CAPN15: variants seen among roughly 807,000 people sequenced by gnomAD.
CAPN15 encodes calpain-15.
A neutral mutation model predicts 97.9 loss-of-function variants in CAPN15; 53 were observed. The ratio of observed to expected loss-of-function variants is 0.54; its 90% CI spans 0.43 to 0.68. The LOEUF (loss-of-function observed/expected upper bound fraction) is 0.68, where lower values mean the gene tolerates loss of function less well. Ranked by LOEUF, CAPN15 falls within the 30% of genes least tolerant of loss-of-function variation. The pLI, the probability that CAPN15 is intolerant of heterozygous loss-of-function variation, is 0.00. For missense variants in CAPN15, 1,592 were observed against 1,589.8 expected, an observed-to-expected ratio of 1.00 and a Z score of -0.02; for synonymous variants, 922 against 722.5, an observed-to-expected ratio of 1.28 and a Z score of -4.43.
rs201146808 is a variant in CAPN15 at position 553,021 on chromosome 16, T to C, written c.3063T>C (p.Asp1021=). The C allele has an allele frequency of 2.5e-6, 4 of 1,595,136 alleles. No homozygotes were observed. The Admixed American group carries it at 5.1e-5, about 20-fold the overall frequency. The change falls in exon 13 of 14, where the codon GAT becomes GAC. Residue 1021 remains aspartate (D), a synonymous_variant. Transcript: ENST00000219611. Reference sequence around the variant, plus strand: ...CACGCGGCAGCCTGCGTACCCAGGATAGCGTGCCACCCCTGCACAGGTGCG... The same window carrying C: ...CACGCGGCAGCCTGCGTACCCAGGACAGCGTGCCACCCCTGCACAGGTGCG... ...VSTRGSLRTQ[D]SVPPLHRQVL... is the part of the protein sequence containing the mutation.
At chr16:544,699 CCA>C (rs2034413603) in intron 3 of CAPN15, among the ~76,000 whole-genome samples, 1 of 141,024 alleles carries the variant, frequency 7.1e-6, no homozygotes. Context: ...GTCGCCTCCC[CCA>C]CGTCGCCTCC....
At chr16:543,104 G>A (rs926684325) in intron 3 of CAPN15, among the ~76,000 whole-genome samples, 25 of 152,004 alleles carry the variant, frequency 1.6e-4, no homozygotes, top group Admixed American at 1.0e-3. Context: ...AATGAGCTGC[G>A]ATCGTGCCAC....
Position 552,398 on chromosome 16 carries a change from C to T in CAPN15, c.2605C>T (p.Leu869=), listed in dbSNP as rs2035154811. 2 of 1,607,568 alleles carry T rather than the reference C, an allele frequency of 1.2e-6. No homozygotes were observed. Among genetic ancestry groups the T allele is most frequent in the Admixed American group, 1.7e-5 (1 of 59,850 alleles). The change falls in exon 11 of 14, where the codon CTG becomes TTG. Residue 869 remains leucine, a synonymous_variant. Coordinates refer to ENST00000219611, the MANE Select transcript of CAPN15 (RefSeq NM_005632.3). The surrounding 1 kb of genome is among the most constrained non-coding windows in gnomAD (Gnocchi z 6.4). ...SGGHLSLGRL[L]AHSKRAVKKF... is the part of the protein sequence containing the mutation. ...CGGCCACCTCAGCCTGGGCCGCCTC[C>T]TGGCCCACAGTAAGCGCGCGGTCAA... is the stretch of plus-strand genomic sequence containing the variant.
chr16:548,659 G>C (rs2034774856), intron 4 of CAPN15, among the ~76,000 whole-genome samples: 1 of 152,236 alleles, frequency 6.6e-6, no homozygotes, highest in Non-Finnish European at 1.5e-5. Flanking sequence ...CTAGAGTCCA[G>C]GATGGCATCA....
Position 553,662 on chromosome 16 carries a change from G to C in CAPN15, c.*146G>C. The C allele has an allele frequency of 1.9e-6, 1 of 529,930 alleles. No homozygotes were observed. The allele number at this position is 529,930 out of a possible 1,614,324, so 32.8% of individuals were successfully genotyped here. On this transcript the variant is annotated 3_prime_UTR_variant, in exon 14 of 14. Transcript: ENST00000219611. ...GCCAGCCCAGGGCTCAGCTTCCCAT[G>C]GGCCCCCCGCCCCCCTCCTTCCCCT... is the stretch of plus-strand genomic sequence containing the variant.
intron 13 of CAPN15, 77 bp from the exon 14 acceptor site, chr16:553,262 C>A: frequency 9.6e-7 from 1 of 1,045,856 alleles, no homozygotes; most frequent in Non-Finnish European, 1.4e-6. Flanking sequence ...CCTGCTCCTG[C>A]CCCTGTACAG....
chr16:553,869 T>G lies in CAPN15; in HGVS notation c.*353T>G. On this transcript the variant is annotated 3_prime_UTR_variant, in exon 14 of 14. Coordinates refer to ENST00000219611, the MANE Select transcript of CAPN15 (RefSeq NM_005632.3). Reference sequence around the variant, plus strand: ...GCGGGCTAGGCAGCCAGGAGCTCTGTCCGCAAAACCAAATCTGGGTGTCAG... The same window carrying G: ...GCGGGCTAGGCAGCCAGGAGCTCTGGCCGCAAAACCAAATCTGGGTGTCAG... 2 of 221,560 alleles carry G rather than the reference T, an allele frequency of 9.0e-6. No homozygotes were observed. The highest frequency in any genetic ancestry group is 2.0e-4 in the East Asian group (2 of 9,778). 13.7% of individuals were successfully genotyped at this position (221,560 alleles called of 1,614,324 possible).
chr16:543,038 G>A (rs1297437090), intron 3 of CAPN15, among the ~76,000 whole-genome samples: 43 of 152,028 alleles, frequency 2.8e-4, no homozygotes, highest in Non-Finnish European at 1.3e-4. Context: ...GCGACAGAGT[G>A]AGACTCTGTC....
rs202224861 is a variant in CAPN15, at chr16:548,135, G to A, written c.1297G>A (p.Ala433Thr). ...LLNALRAKHC[A>T]ACHTPQLLVA... is the part of the protein sequence containing the mutation. ...CAACGCACTGCGGGCCAAGCACTGCGCCGCCTGCCACACGCCTCAGCTCCT... is the reference window on the plus strand; with the variant it reads ...CAACGCACTGCGGGCCAAGCACTGCACCGCCTGCCACACGCCTCAGCTCCT... The change falls in exon 4 of 14, where the codon GCC becomes ACC. Residue 433 changes from alanine (A) to threonine (T), a missense_variant. Ala to Thr is a moderately conservative substitution (Grantham distance 58, BLOSUM62 0). This residue lies in a region of CAPN15 where 883 missense variants were observed against 776.6 expected (regional missense o/e 1.14). Coordinates refer to ENST00000219611, the MANE Select transcript of CAPN15 (RefSeq NM_005632.3). 1.1e-4 allele frequency: 168 copies of A among 1,528,784 alleles called. No homozygotes were observed. The highest frequency in any genetic ancestry group is 1.3e-4 in the Non-Finnish European group (153 of 1,138,918). 94.7% of individuals were successfully genotyped at this position (1,528,784 alleles called of 1,614,324 possible).
intron 3 of CAPN15, among the ~76,000 whole-genome samples, chr16:540,635 G>A (rs1201033552): frequency 1.3e-5 from 2 of 152,264 alleles, no homozygotes; most frequent in Non-Finnish European, 2.9e-5. Flanking sequence ...TCCACGCAGA[G>A]AAGCTGTTCC....
At chr16:532,117 G>A (rs1017614705) in intron 1 of CAPN15, among the ~76,000 whole-genome samples, 8 of 151,800 alleles carry the variant, frequency 5.3e-5, no homozygotes, top group Admixed American at 5.3e-4. Context: ...GTGTGTGCCT[G>A]TAATCCCAGA....
rs2033613702 is a variant in CAPN15, at chr16:535,122, G to A, written c.-136-907G>A. 1.3e-5 allele frequency among the ~76,000 whole-genome samples: 2 copies of A among 152,156 alleles called. No homozygotes were observed. The highest frequency in any genetic ancestry group is 4.1e-4 in the South Asian group (2 of 4,832). On this transcript the variant is annotated intron_variant, in intron 2 of 13. Coordinates refer to ENST00000219611, the MANE Select transcript of CAPN15 (RefSeq NM_005632.3). This position sits in a 1 kb window ranked among gnomAD's most constrained non-coding sequence, Gnocchi z 6.2. ...TCCCAGCTCCCCAGGTAGGGACGCT[G>A]ACCCCGGGAGGTGCCTTTGCCTGCA...
chr16:545,513 G>A (rs917057166), intron 3 of CAPN15, among the ~76,000 whole-genome samples: 2 of 152,246 alleles, frequency 1.3e-5, no homozygotes, highest in Admixed American at 6.5e-5. Flanking sequence ...TTTAGGCCTT[G>A]TTCTGACTTC....
chr16:536,847 G>A (rs1482044489), intron 3 of CAPN15: 1 of 152,330 alleles, frequency 6.6e-6, no homozygotes, highest in East Asian at 1.9e-4. Flanking sequence ...ATTTCGGGAA[G>A]AGCATCGGTG....
rs201381487 is a variant in CAPN15 at position 548,120 on chromosome 16, C to T, written c.1282C>T (p.Arg428Trp). 2.2e-4 allele frequency: 335 copies of T among 1,534,126 alleles called. No individual in the cohort carries two copies. The African/African-American group carries it at 2.9e-3, about 13-fold the overall frequency. The stretch of plus-strand genomic sequence containing the variant: ...TGCCTGTACCCTGCTCAACGCACTG[C>T]GGGCCAAGCACTGCGCCGCCTGCCA... ...CPACTLLNAL[R>W]AKHCAACHTP... Residue 428 changes from arginine (R) to tryptophan (W), a missense_variant, in exon 4 of 14, where the codon CGG (arginine) becomes TGG (tryptophan). Transcript: ENST00000219611.
Position 553,705 on chromosome 16 carries a change from C to T in CAPN15, c.*189C>T, listed in dbSNP as rs536198295. 8 of 495,532 alleles carry T rather than the reference C, an allele frequency of 1.6e-5. No individual in the cohort carries two copies. Among genetic ancestry groups the T allele is most frequent in the South Asian group, 1.0e-4 (3 of 29,174 alleles). 30.7% of individuals were successfully genotyped at this position (495,532 alleles called of 1,614,324 possible). On this transcript the variant is annotated 3_prime_UTR_variant, in exon 14 of 14. Coordinates refer to ENST00000219611, the MANE Select transcript of CAPN15 (RefSeq NM_005632.3). ...CTTCCCCTCCCTGAACCCCACAGTC[C>T]GCCTGGCCAGGCCTCCTGGCCGCCA...
Position 535,997 on chromosome 16 carries a change from C to T in CAPN15, c.-136-32C>T, listed in dbSNP as rs1316153796. The T allele has an allele frequency of 4.8e-6, 2 of 412,554 alleles. No individual in the cohort carries two copies. The highest frequency in any genetic ancestry group is 6.4e-6 in the Non-Finnish European group (2 of 312,944). 25.6% of individuals were successfully genotyped at this position (412,554 alleles called of 1,614,324 possible). A position where few individuals can be genotyped will look rare whatever the true frequency, so the allele number is the denominator to read the frequency against. ...GGCACACTCCTTGGTGACAGTGCCCCTGCACGCCCCCCCCCCCCCCCGGTT... is the reference window on the plus strand; with the variant it reads ...GGCACACTCCTTGGTGACAGTGCCCTTGCACGCCCCCCCCCCCCCCCGGTT... On this transcript the variant is annotated intron_variant, in intron 2 of 13. Transcript: ENST00000219611. This position sits in a 1 kb window ranked among gnomAD's most constrained non-coding sequence, Gnocchi z 6.2.
intron 7 of CAPN15, among the ~76,000 whole-genome samples, chr16:550,891 T>G (rs1173213896): frequency 4.8e-3 from 169 of 35,124 alleles, no homozygotes; most frequent in Admixed American, 0.01. Flanking sequence ...GTCGGTGAGG[T>G]CCCTGGTCGG....
In CAPN15 at chr16:552,542, C is replaced by G; in HGVS notation, c.2737+12C>G. ...CCCTGCCCCCCAGGGTACGTGGCCC[C>G]TACCCCAGGCTCATGCCCCAGGCCC... On this transcript the variant is annotated intron_variant, in intron 11 of 13. Coordinates refer to ENST00000219611, the MANE Select transcript of CAPN15 (RefSeq NM_005632.3). This position sits in a 1 kb window ranked among gnomAD's most constrained non-coding sequence, Gnocchi z 6.4. The G allele has an allele frequency of 6.3e-7, 1 of 1,586,632 alleles. No homozygotes were observed. Among genetic ancestry groups the G allele is most frequent in the Non-Finnish European group, 8.5e-7 (1 of 1,170,524 alleles).
Sources: allele counts gnomAD v4.1 joint callset (sites outside exome capture counted in the v4.1 genomes callset), GRCh38; gene constraint gnomAD v4.1.1; regional missense constraint gnomAD v4.1.1; non-coding constraint Gnocchi (gnomAD v3.1); transcripts MANE v1.5; gene names NCBI Gene and HGNC (gene_info 2026-07-23, HGNC 2026-07-21).